The following CSMD1 variants were observed in gnomAD, a reference collection of about 807,000 sequenced individuals.
CSMD1 encodes CUB and sushi domain-containing protein 1.
Under a neutral mutation model 417.5 loss-of-function variants are expected in CSMD1, and 213 were observed. The observed-to-expected ratio is 0.51, with a 90% CI of 0.46 to 0.57. The LOEUF is 0.57. Among genes scored for constraint, CSMD1 ranks in the 20% least tolerant of loss-of-function variants. The pLI is 0.00. For synonymous variants in CSMD1, 2,862 were observed against 1,736.8 expected (o/e 1.65, Z -16.11); for missense variants, 6,923 against 4,529.7 (o/e 1.53, Z -15.17).
intron 1 of CSMD1, among the ~76,000 whole-genome samples, chr8:4,714,479 A>G (rs1484568597): frequency 6.6e-6 from 1 of 152,220 alleles, no homozygotes; most frequent in East Asian, 1.9e-4. Context: ...CATATGCTTC[A>G]TCTTACTTAA....
At chr8:3,103,762 T>A (rs564658482) in intron 46 of CSMD1, among the ~76,000 whole-genome samples, 5 of 142,254 alleles carry the variant, frequency 3.5e-5, no homozygotes, top group Non-Finnish European at 4.6e-5. Context: ...AAAAAAAAAA[T>A]GATGTAGTTT....
chr8:4,752,732 G>C (rs907677874), intron 1 of CSMD1, among the ~76,000 whole-genome samples: 5 of 152,174 alleles, frequency 3.3e-5, no homozygotes, highest in Non-Finnish European at 5.9e-5. Context: ...CGAAAAAGTT[G>C]CTTCTTGGAT....
In CSMD1 at chr8:4,004,752, G is replaced by T. The variant is rs530635124; in HGVS notation, c.611-6642C>A. Among the ~76,000 whole-genome samples, 98 of 151,868 alleles carry T rather than the reference G, an allele frequency of 6.5e-4. 2 individuals carry two copies. Among genetic ancestry groups the T allele is most frequent in the Admixed American group, 4.3e-3 (66 of 15,244 alleles). On this transcript the variant is annotated intron_variant, in intron 4 of 69. Transcript: ENST00000635120. ...TTATTCTTTATTCTTTTTTTGTTTT[G>T]TTTTGTTTTTGAGATGGCGTCTCAC...
At chr8:4,405,077 T>C (rs972476275) in intron 3 of CSMD1, among the ~76,000 whole-genome samples, 35 of 152,346 alleles carry the variant, frequency 2.3e-4, no homozygotes, top group African/African-American at 8.4e-4. Flanking sequence ...CAATGCTGCA[T>C]CCATGGTACA....
At chr8:4,354,695 C>T (rs760239872) in intron 3 of CSMD1, among the ~76,000 whole-genome samples, 3 of 152,052 alleles carry the variant, frequency 2.0e-5, no homozygotes, top group African/African-American at 7.2e-5. Context: ...TATATTGTCA[C>T]CGTGTATATT....
intron 26 of CSMD1, among the ~76,000 whole-genome samples, chr8:3,248,723 CA>C (rs1390580006): frequency 2.0e-5 from 3 of 152,004 alleles, no homozygotes; most frequent in Non-Finnish European, 4.4e-5. Context: ...TACTGCCAAA[CA>C]GCTTTGACTA....
chr8:3,310,888 A>T (rs999755456), intron 23 of CSMD1, among the ~76,000 whole-genome samples: 2 of 152,022 alleles, frequency 1.3e-5, no homozygotes, highest in Non-Finnish European at 2.9e-5. Flanking sequence ...CTGGAGTTTT[A>T]AAAAAAGTTT....
At chr8:3,189,043 A>T in intron 34 of CSMD1, 32 bp from the exon 35 acceptor site, 1 of 1,598,632 alleles carries the variant, frequency 6.3e-7, no homozygotes, top group Non-Finnish European at 8.5e-7. Flanking sequence ...CATGAAATAA[A>T]GTGCTGTGGG....
chr8:4,792,435 A>T, intron 1 of CSMD1, among the ~76,000 whole-genome samples: 1 of 151,804 alleles, frequency 6.6e-6, no homozygotes, highest in African/African-American at 2.4e-5. Context: ...GGTACAGCCA[A>T]TCAGTCTATC....
intron 6 of CSMD1, among the ~76,000 whole-genome samples, chr8:3,719,500 C>A (rs1473664143): frequency 6.6e-6 from 1 of 152,178 alleles, no homozygotes; most frequent in African/African-American, 2.4e-5. Context: ...CCCATTTTCC[C>A]TGGACCATTC....
chr8:3,183,601 G>A (rs1196927285), intron 36 of CSMD1, among the ~76,000 whole-genome samples: 1 of 148,260 alleles, frequency 6.7e-6, no homozygotes, highest in Non-Finnish European at 1.5e-5. Context: ...GAAATATCGA[G>A]TAGGTCTCTA....
At chr8:4,585,106 A>G (rs1250378896) in intron 2 of CSMD1, among the ~76,000 whole-genome samples, 3 of 152,100 alleles carry the variant, frequency 2.0e-5, no homozygotes, top group African/African-American at 4.8e-5. Flanking sequence ...GAGAAAAAAA[A>G]AAAAAGTACA....
chr8:3,564,064 G>A (rs1000908232), intron 10 of CSMD1, among the ~76,000 whole-genome samples: 12 of 151,970 alleles, frequency 7.9e-5, no homozygotes, highest in African/African-American at 2.7e-4. Flanking sequence ...GTGATATTTT[G>A]GTACATGTAT....
chr8:3,636,257 T>C (rs942858832), intron 7 of CSMD1, among the ~76,000 whole-genome samples: 1 of 152,194 alleles, frequency 6.6e-6, no homozygotes, highest in East Asian at 1.9e-4. Context: ...AGGACAACGA[T>C]GCCTTCTTCT....
At chr8:4,582,743 T>A (rs907307054) in intron 2 of CSMD1, among the ~76,000 whole-genome samples, 11 of 152,222 alleles carry the variant, frequency 7.2e-5, no homozygotes, top group African/African-American at 2.7e-4. Context: ...GAGGAGCCCT[T>A]TGGCCCACCG....
intron 5 of CSMD1, among the ~76,000 whole-genome samples, chr8:3,855,345 C>G (rs988822092): frequency 6.6e-6 from 1 of 152,060 alleles, no homozygotes; most frequent in Admixed American, 6.6e-5. Context: ...AGGAAATACA[C>G]TCACATCCTA....
rs4993886 is a variant in CSMD1 at position 3,829,030 on chromosome 8, A to T, written c.819-74988T>A. Among the ~76,000 whole-genome samples, 93 of 60,688 alleles carry T rather than the reference A, an allele frequency of 1.5e-3. 1 individual carries two copies. The highest frequency in any genetic ancestry group is 9.4e-3 in the South Asian group (23 of 2,436). The allele number at this position is 60,688 out of a possible 152,430, so 39.8% of individuals were successfully genotyped here. A position where few individuals can be genotyped will look rare whatever the true frequency, so the allele number is the denominator to read the frequency against. The stretch of plus-strand genomic sequence containing the variant: ...TACAATCACCTTTCTTTTTTTTTAA[A>T]AAAATGTATTTTTCCGTAAGTTACT... On this transcript the variant is annotated intron_variant, in intron 5 of 69. Coordinates refer to ENST00000635120, the MANE Select transcript of CSMD1 (RefSeq NM_033225.6).
chr8:4,197,152 C>T (rs1490207173), intron 3 of CSMD1, among the ~76,000 whole-genome samples: 2 of 152,196 alleles, frequency 1.3e-5, no homozygotes, highest in South Asian at 2.1e-4. Flanking sequence ...ACAAGGTTAT[C>T]ACCTGTTCTC....
intron 9 of CSMD1, among the ~76,000 whole-genome samples, chr8:3,579,492 T>C (rs1800291740): frequency 6.6e-6 from 1 of 152,282 alleles, no homozygotes; most frequent in East Asian, 1.9e-4. Flanking sequence ...CATTAGAAGC[T>C]TTTTTTAAAG....
Sources: allele counts gnomAD v4.1 joint callset (sites outside exome capture counted in the v4.1 genomes callset), GRCh38; gene constraint gnomAD v4.1.1; transcripts MANE v1.5; gene names NCBI Gene and HGNC (gene_info 2026-07-23, HGNC 2026-07-21).